Variants in TCERG1L observed in about 807,000 individuals in gnomAD.
The protein encoded by TCERG1L is transcription elongation regulator 1 like, also known as transcription elongation regulator 1-like protein.
TCERG1L carries 37 observed loss-of-function variants against 56.3 expected under a neutral mutation model. The ratio of observed to expected loss-of-function variants is 0.66; its 90% CI spans 0.51 to 0.87. The LOEUF (loss-of-function observed/expected upper bound fraction) is 0.87, where lower values mean the gene tolerates loss of function less well. Ranked by LOEUF, TCERG1L falls within the 40% of genes least tolerant of loss-of-function variation. The probability of loss-of-function intolerance (pLI) is 0.00; values close to 1 mark genes in which losing one functional copy is unlikely to be tolerated. For synonymous variants in TCERG1L, 324 were observed against 326.3 expected, an observed-to-expected ratio of 0.99 and a Z score of 0.08; for missense variants, 799 against 774.2, an observed-to-expected ratio of 1.03 and a Z score of -0.38.
intron 6 of TCERG1L, among the ~76,000 whole-genome samples, chr10:131,151,692 G>A (rs1379924478): frequency 6.6e-6 from 1 of 152,150 alleles, no homozygotes; most frequent in Non-Finnish European, 1.5e-5. Context: ...ACTAGGCAGT[G>A]CCCCAGTAGA....
intron 3 of TCERG1L, among the ~76,000 whole-genome samples, chr10:131,265,007 C>A (rs1846271399): frequency 6.6e-6 from 1 of 152,172 alleles, no homozygotes; most frequent in African/African-American, 2.4e-5. Context: ...CCTGTCCCAG[C>A]CGAGCCCTTA....
At chr10:131,152,781 C>T (rs1365559479) in intron 6 of TCERG1L, among the ~76,000 whole-genome samples, 1 of 152,196 alleles carries the variant, frequency 6.6e-6, no homozygotes, top group East Asian at 1.9e-4. Flanking sequence ...TACAGTTCCA[C>T]ATGGCTGGGG....
intron 4 of TCERG1L, among the ~76,000 whole-genome samples, chr10:131,208,873 T>G (rs1035083799): frequency 2.4e-4 from 36 of 152,102 alleles, no homozygotes; most frequent in Non-Finnish European, 3.1e-4. Context: ...CTGGCTAACA[T>G]GGTAAAACCG....
At chr10:131,104,130 C>T (rs1440600483) in intron 10 of TCERG1L, 135 bp downstream of exon 10, 2 of 605,320 alleles carry the variant, frequency 3.3e-6, no homozygotes, top group Non-Finnish European at 5.9e-6. Flanking sequence ...CTTTTGTTCA[C>T]AAGCTCGCAA....
intron 4 of TCERG1L, among the ~76,000 whole-genome samples, chr10:131,187,999 C>T (rs536489206): frequency 1.4e-4 from 21 of 152,286 alleles, no homozygotes; most frequent in Admixed American, 3.9e-4. Flanking sequence ...TCCTGGGTTA[C>T]GCTTTCTCTG....
intron 8 of TCERG1L, among the ~76,000 whole-genome samples, chr10:131,125,707 T>TGCTCA (rs1845558747): frequency 6.6e-6 from 1 of 152,234 alleles, no homozygotes; most frequent in South Asian, 2.1e-4. Context: ...AGCTCTGCTC[T>TGCTCA]GCTCACGTGG....
At chr10:131,096,851 A>G (rs1056331119) in intron 11 of TCERG1L, among the ~76,000 whole-genome samples, 21 of 149,262 alleles carry the variant, frequency 1.4e-4, no homozygotes, top group Admixed American at 1.0e-3. Context: ...GCATCATTGC[A>G]CTCCAGCCTG....
Position 131,165,340 on chromosome 10 carries a change from T to C in TCERG1L, c.945+1457A>G, listed in dbSNP as rs867069688. Among the ~76,000 whole-genome samples, 21 of 152,324 alleles carry C rather than the reference T, an allele frequency of 1.4e-4. No individual in the cohort carries two copies. In the Middle Eastern group the frequency reaches 0.014, roughly 99 times the overall value. ...TCTTCTCGAACATCATGCAAGGGAC[T>C]ACCAGGAAGGAAGGGGTGGTCTCTT... On this transcript the variant is annotated intron_variant, in intron 5 of 11. Coordinates refer to ENST00000368642, the MANE Select transcript of TCERG1L (RefSeq NM_174937.4).
intron 8 of TCERG1L, among the ~76,000 whole-genome samples, chr10:131,132,059 CT>C (rs1469950128): frequency 6.6e-6 from 1 of 152,206 alleles, no homozygotes; most frequent in Non-Finnish European, 1.5e-5. Flanking sequence ...GGGCGATTCG[CT>C]CTGAGCAGGA....
chr10:131,161,932 T>A (rs1347851305), intron 6 of TCERG1L: 1 of 152,242 alleles, frequency 6.6e-6, no homozygotes, highest in Non-Finnish European at 1.5e-5. Flanking sequence ...CTGAGTTGTA[T>A]CCTTGATAAA....
intron 9 of TCERG1L, among the ~76,000 whole-genome samples, chr10:131,108,078 A>G (rs1223004733): frequency 6.6e-6 from 1 of 152,128 alleles, no homozygotes. Flanking sequence ...CAAGCTGCCT[A>G]TCTCTTTTAA....
At position 131,260,389 on chromosome 10, in the gene TCERG1L, G is replaced by A. The variant is rs377139494; in HGVS notation, c.726C>T (p.Thr242=). The A allele has an allele frequency of 9.1e-5, 135 of 1,486,298 alleles. No individual in the cohort carries two copies. Among genetic ancestry groups the A allele is most frequent in the Admixed American group, 1.5e-4 (5 of 33,966 alleles). The allele number at this position is 1,486,298 out of a possible 1,614,324, so 92.1% of individuals were successfully genotyped here. A position where few individuals can be genotyped will look rare whatever the true frequency, so the allele number is the denominator to read the frequency against. ...VTSSPAIAIA[T]AAAAAMVSVD... is the part of the protein sequence containing the mutation. ...CGGAGACCATGGCAGCGGCGGCGGC[G>A]GTGGCGATGGCAATGGCGGGGCTGC... The change falls in exon 4 of 12, where the codon ACC becomes ACT. Residue 242 remains threonine, a synonymous_variant. Transcript: ENST00000368642. This position sits in a 1 kb window ranked among gnomAD's most constrained non-coding sequence, Gnocchi z 5.8.
chr10:131,203,180 CG>C, intron 4 of TCERG1L, among the ~76,000 whole-genome samples: 1 of 152,258 alleles, frequency 6.6e-6, no homozygotes, highest in South Asian at 2.1e-4. Flanking sequence ...CATGGATATG[CG>C]TATACCTGTC....
chr10:131,130,909 AC>A (rs1342013076), intron 8 of TCERG1L, among the ~76,000 whole-genome samples: 2 of 151,762 alleles, frequency 1.3e-5, no homozygotes, highest in Non-Finnish European at 2.9e-5. Context: ...ACGGGCATCA[AC>A]CCCCCGGCAA....
intron 3 of TCERG1L, among the ~76,000 whole-genome samples, chr10:131,307,092 T>C (rs1214077537): frequency 6.6e-6 from 1 of 152,242 alleles, no homozygotes; most frequent in African/African-American, 2.4e-5. Flanking sequence ...GTCATACTCA[T>C]ATAACACATG....
In TCERG1L at chr10:131,257,729, T is replaced by C. The variant is rs140744399; in HGVS notation, c.856+2530A>G. Among the ~76,000 whole-genome samples, 83 of 152,028 alleles carry C rather than the reference T, an allele frequency of 5.5e-4. 1 individual carries two copies. The East Asian group carries it at 0.016, about 29-fold the overall frequency. ...ACCCACCAGATCCCAGTAGCAACCC[T>C]CAGGTCATGACAACCAAAACACATG... On this transcript the variant is annotated intron_variant, in intron 4 of 11. Coordinates refer to ENST00000368642, the MANE Select transcript of TCERG1L (RefSeq NM_174937.4).
chr10:131,281,295 C>T (rs531701867), intron 3 of TCERG1L, among the ~76,000 whole-genome samples: 195 of 152,290 alleles, frequency 1.3e-3, no homozygotes, highest in South Asian at 3.1e-3. Flanking sequence ...ATGCCCTGCA[C>T]GCCCTGTGCT....
chr10:131,276,502 T>C (rs1431088742), intron 3 of TCERG1L, among the ~76,000 whole-genome samples: 3 of 152,176 alleles, frequency 2.0e-5, no homozygotes, highest in African/African-American at 7.2e-5. Flanking sequence ...CAATTTACAC[T>C]CACCTCTCAC....
intron 4 of TCERG1L, among the ~76,000 whole-genome samples, chr10:131,184,028 T>C (rs1469635046): frequency 6.6e-6 from 1 of 152,212 alleles, no homozygotes; most frequent in Admixed American, 6.5e-5. Flanking sequence ...GAACCCACCA[T>C]ATTCTCTGTC....
Sources: gnomAD v4.1 joint callset for allele counts (sites outside exome capture counted in the v4.1 genomes callset) on GRCh38, gnomAD v4.1.1 for gene constraint, Gnocchi (gnomAD v3.1) non-coding constraint, MANE v1.5 for transcripts, NCBI Gene and HGNC (gene_info 2026-07-23, HGNC 2026-07-21) for gene names.